PRKDC: variants seen among roughly 807,000 people sequenced by gnomAD.
PRKDC encodes protein kinase, DNA-activated, catalytic subunit.
Under a neutral mutation model 486.9 loss-of-function variants are expected in PRKDC, and 82 were observed. That is an observed-to-expected ratio of 0.17 (90% CI 0.14 to 0.20). The LOEUF (loss-of-function observed/expected upper bound fraction) is 0.20. Ranked by LOEUF, PRKDC falls within the 10% of genes least tolerant of loss-of-function variation. The probability of loss-of-function intolerance (pLI) is 1.00; values close to 1 mark genes in which losing one functional copy is unlikely to be tolerated. For missense variants in PRKDC, 4,504 were observed against 5,038.2 expected (o/e 0.89, Z 3.21); for synonymous variants, 1,895 against 1,837.0 (o/e 1.03, Z -0.81).
rs1039158330 is a variant in PRKDC at position 47,773,299 on chromosome 8, T to C, written c.*874A>G. The C allele has an allele frequency of 4.4e-6, 1 of 226,612 alleles. No homozygotes were observed. Among genetic ancestry groups the C allele is most frequent in the Non-Finnish European group, 8.9e-6 (1 of 112,822 alleles). 14.0% of individuals were successfully genotyped at this position (226,612 alleles called of 1,614,324 possible). On this transcript the variant is annotated 3_prime_UTR_variant, in exon 86 of 86. Transcript: ENST00000314191. The stretch of plus-strand genomic sequence containing the variant: ...ACATGGGAAGGAGCCACTTTTGTAT[T>C]CCATAATTTCATCTTGTTGTGCTAG...
chr8:47,807,059 A>AAGAAAAGCTAAAATTAG, intron 69 of PRKDC, 78 bp downstream of exon 69: 1 of 1,427,480 alleles, frequency 7.0e-7, no homozygotes, highest in Non-Finnish European at 9.4e-7. Context: ...TCAGACTCTA[A>AAGAAAAGCTAAAATTAG]AGAAAAGCTA....
chr8:47,782,303 T>G lies in PRKDC; in HGVS notation c.11397-49A>C. 6.2e-7 allele frequency: 1 copy of G among 1,611,658 alleles called. No individual in the cohort carries two copies. Among genetic ancestry groups the G allele is most frequent in the Non-Finnish European group, 8.5e-7 (1 of 1,177,822 alleles). On this transcript the variant is annotated intron_variant, in intron 79 of 85. Transcript: ENST00000314191. This position sits in a 1 kb window ranked among gnomAD's most constrained non-coding sequence, Gnocchi z 4.9. ...ACGAGTAAACCCAAACTGCTCTTTC[T>G]TCACTAGAAAAACAGTCCCGTGGAC...
At position 47,920,011 on chromosome 8, in the gene PRKDC, T is replaced by C. The variant is rs531895636; in HGVS notation, c.2420-1628A>G. Among the ~76,000 whole-genome samples, 5 of 152,208 alleles carry C rather than the reference T, an allele frequency of 3.3e-5. 1 individual carries two copies. The South Asian group carries it at 1.0e-3, about 31-fold the overall frequency. ...GAACCACAAACAATAGCATGAGGCATCTGTGCCTTAAGGACATGCTCCTGC... is the reference window on the plus strand; with the variant it reads ...GAACCACAAACAATAGCATGAGGCACCTGTGCCTTAAGGACATGCTCCTGC... On this transcript the variant is annotated intron_variant, in intron 21 of 85. Transcript: ENST00000314191.
Position 47,960,099 on chromosome 8 carries a change from A to T in PRKDC, c.28T>A (p.Cys10Ser). The part of the protein sequence containing the change: MAGSGAGVR[C>S]SLLRLQETLS... ...GTCTCCTGCAGCCGCAGCAGGGAGC[A>T]ACGCACACCGGCTCCGGAGCCCGCC... The change falls in exon 1 of 86, where the codon TGC becomes AGC. Residue 10 changes from cysteine (C) to serine (S), a missense_variant. Around this residue, in one of 6 missense-constraint regions of PRKDC, gnomAD observed 145 missense variants for 136.3 expected, o/e 1.06. Coordinates refer to ENST00000314191, the MANE Select transcript of PRKDC (RefSeq NM_006904.7). 1 of 1,517,118 alleles carries T rather than the reference A, an allele frequency of 6.6e-7. No homozygotes were observed. The allele number at this position is 1,517,118 out of a possible 1,614,324, so 94.0% of individuals were successfully genotyped here.
chr8:47,881,087 AAAGC>A (rs1354660911), intron 38 of PRKDC, among the ~76,000 whole-genome samples: 4 of 134,858 alleles, frequency 3.0e-5, no homozygotes, highest in Admixed American at 1.5e-4. Flanking sequence ...AGAAAGCAAG[AAAGC>A]AAGCAAGCAA....
rs754532505 is a variant in PRKDC, at chr8:47,955,967, AT to A, written c.325-20del. The A allele has an allele frequency of 2.5e-4, 374 of 1,507,226 alleles. No homozygotes were observed. Among genetic ancestry groups the A allele is most frequent in the Middle Eastern group, 3.6e-4 (2 of 5,580 alleles). The allele number at this position is 1,507,226 out of a possible 1,614,324, so 93.4% of individuals were successfully genotyped here. ...AAGTGTTCTAGGTTTTAAAAAAAAAATAACCAAAATCATCAATAAGATATAA... is the reference window on the plus strand; with the variant it reads ...AAGTGTTCTAGGTTTTAAAAAAAAAAAACCAAAATCATCAATAAGATATAA... On this transcript the variant is annotated intron_variant, in intron 3 of 85. Coordinates refer to ENST00000314191, the MANE Select transcript of PRKDC (RefSeq NM_006904.7).
At chr8:47,897,958 C>A (rs1194642682) in intron 29 of PRKDC, among the ~76,000 whole-genome samples, 10 of 152,176 alleles carry the variant, frequency 6.6e-5, no homozygotes, top group Admixed American at 6.5e-4. Flanking sequence ...AGGGCACTCA[C>A]CCTACTGGAG....
At chr8:47,861,899 T>C (rs1156583824) in intron 44 of PRKDC, among the ~76,000 whole-genome samples, 163 bp downstream of exon 44, 1 of 152,228 alleles carries the variant, frequency 6.6e-6, no homozygotes, top group African/African-American at 2.4e-5. Flanking sequence ...TTGCCTGAGA[T>C]TGTATCTGAA....
intron 54 of PRKDC, among the ~76,000 whole-genome samples, chr8:47,846,795 A>G (rs1159693195): frequency 1.3e-5 from 2 of 151,606 alleles, no homozygotes; most frequent in Non-Finnish European, 2.9e-5. Flanking sequence ...CTGATAAATG[A>G]CTTGAGTAAA....
chr8:47,851,757 C>G (rs1401716779), intron 52 of PRKDC, among the ~76,000 whole-genome samples: 1 of 152,162 alleles, frequency 6.6e-6, no homozygotes, highest in Middle Eastern at 3.2e-3. Flanking sequence ...CAGGGAAATG[C>G]AGCTGACGAA....
chr8:47,853,573 G>T (rs2088465572), intron 51 of PRKDC, among the ~76,000 whole-genome samples: 1 of 152,100 alleles, frequency 6.6e-6, no homozygotes, highest in African/African-American at 2.4e-5. Flanking sequence ...AGCTGCCCTA[G>T]CTCCCAGGCG....
At chr8:47,941,004 C>T (rs917840544) in intron 10 of PRKDC, among the ~76,000 whole-genome samples, 1 of 152,024 alleles carries the variant, frequency 6.6e-6, no homozygotes, top group Non-Finnish European at 1.5e-5. Flanking sequence ...GTGGCAGGTG[C>T]CTATAATCCC....
At chr8:47,816,842 G>C (rs934004760) in intron 68 of PRKDC, among the ~76,000 whole-genome samples, 10 of 151,886 alleles carry the variant, frequency 6.6e-5, no homozygotes, top group Admixed American at 6.6e-4. Flanking sequence ...AAAAGTAGTA[G>C]TGGAGGAAAT....
In PRKDC at chr8:47,820,807, C is replaced by T; in HGVS notation, c.9248G>A (p.Ser3083Asn). The T allele has an allele frequency of 6.2e-7, 1 of 1,613,268 alleles. No individual in the cohort carries two copies. The highest frequency in any genetic ancestry group is 1.7e-4 in the Middle Eastern group (1 of 6,060). ...GAGGTAAAGCAGACTCAGCTCTTGA[C>T]TGTAATGAAGCTCTAGAATCGCCTT... The part of the protein sequence containing the change: ...LQKAILELHY[S>N]QELSLLYLLQ... Residue 3083 changes from serine (S) to asparagine (N), a missense_variant, in exon 66 of 86, where the codon AGT becomes AAT. Ser to Asn is a conservative substitution (Grantham distance 46). Coordinates refer to ENST00000314191, the MANE Select transcript of PRKDC (RefSeq NM_006904.7).
At chr8:47,807,008 A>T (rs1385922370) in intron 69 of PRKDC, 129 bp downstream of exon 69, 1 of 971,370 alleles carries the variant, frequency 1.0e-6, no homozygotes, top group African/African-American at 1.7e-5. Flanking sequence ...GTTTACTTAT[A>T]AAGAGAGAAA....
chr8:47,877,752 G>A lies in PRKDC; in HGVS notation c.5335C>T (p.Gln1779Ter). ...CTGGCAATCCTCCTGAAACTGGATT[G>A]AAATAATTCTTCCATGACATGCTGC... Reference protein sequence around the residue: ...EQQHVMEELFQSSFRRIARRG... With the variant: ...EQQHVMEELF Residue 1779 changes from glutamine to a stop codon, truncating the protein, a stop_gained, in exon 40 of 86, where the codon CAA becomes TAA. Coordinates refer to ENST00000314191, the MANE Select transcript of PRKDC (RefSeq NM_006904.7). LOFTEE classifies it high-confidence loss of function. 1 of 1,593,636 alleles carries A rather than the reference G, an allele frequency of 6.3e-7. No individual in the cohort carries two copies.
chr8:47,837,326 C>T lies in PRKDC; in HGVS notation c.7647G>A (p.Lys2549=), dbSNP rs4425755. ...CTAAACTTAAAAAGTGCACTTCTAT[C>T]TTAGGAGAATATAAGGAATTTAGTG... is the stretch of plus-strand genomic sequence containing the variant. ...LLALNSLYSP[K]IEVHFLSLAT... Residue 2549 remains lysine, a synonymous_variant, in exon 57 of 86, where the codon AAG becomes AAA. Transcript: ENST00000314191. 9.2e-5 allele frequency: 148 copies of T among 1,613,158 alleles called. 1 individual carries two copies. The African/African-American group carries it at 1.8e-3, about 20-fold the overall frequency.
intron 48 of PRKDC, 147 bp from the exon 49 acceptor site, chr8:47,857,446 A>T: frequency 1.2e-6 from 1 of 800,290 alleles, no homozygotes; most frequent in Non-Finnish European, 1.9e-6. Context: ...AAGTGAAGGC[A>T]TTAGTGTGGG....
chr8:47,775,320 T>C (rs1389045680), intron 85 of PRKDC, among the ~76,000 whole-genome samples: 1 of 151,930 alleles, frequency 6.6e-6, no homozygotes, highest in Non-Finnish European at 1.5e-5. Flanking sequence ...TATTGGCCAT[T>C]TGTATATTTT....
Sources: gnomAD v4.1 joint callset for allele counts (sites outside exome capture counted in the v4.1 genomes callset) on GRCh38, gnomAD v4.1.1 for gene constraint, gnomAD v4.1.1 regional missense constraint, Gnocchi (gnomAD v3.1) non-coding constraint, MANE v1.5 for transcripts, NCBI Gene and HGNC (gene_info 2026-07-23, HGNC 2026-07-21) for gene names.